NNT: variants seen among roughly 807,000 people sequenced by gnomAD.
NNT encodes NAD(P) transhydrogenase, mitochondrial.
In NNT, 50 loss-of-function variants were observed where a neutral mutation model predicts 104.8. The ratio of observed to expected loss-of-function variants is 0.48; its 90% CI spans 0.38 to 0.60. The LOEUF (loss-of-function observed/expected upper bound fraction) is 0.60, where lower values mean the gene tolerates loss of function less well. Ranked by LOEUF, NNT falls within the 20% of genes least tolerant of loss-of-function variation. The pLI is 0.00. For synonymous variants in NNT, 461 were observed against 490.4 expected, an observed-to-expected ratio of 0.94 and a Z score of 0.79; for missense variants, 1,131 against 1,330.7, an observed-to-expected ratio of 0.85 and a Z score of 2.33.
intron 19 of NNT, among the ~76,000 whole-genome samples, chr5:43,695,653 G>A (rs1742518993): frequency 6.6e-6 from 1 of 152,142 alleles, no homozygotes; most frequent in Non-Finnish European, 1.5e-5. Flanking sequence ...GGCATCCAAG[G>A]TGTATTAGTC....
At chr5:43,647,850 A>G in intron 10 of NNT, 1 of 455,300 alleles carries the variant, frequency 2.2e-6, no homozygotes. Context: ...ATTGTGCTAA[A>G]TACTTCACAT....
At chr5:43,692,087 G>A (rs1157511909) in intron 19 of NNT, among the ~76,000 whole-genome samples, 2 of 152,192 alleles carry the variant, frequency 1.3e-5, no homozygotes, top group African/African-American at 4.8e-5. Flanking sequence ...ATAATTAAAT[G>A]CCCATTCAGC....
intron 7 of NNT, among the ~76,000 whole-genome samples, chr5:43,641,136 A>G (rs1561282647): frequency 6.6e-6 from 1 of 152,080 alleles, no homozygotes; most frequent in Non-Finnish European, 1.5e-5. Context: ...GTAATGCTGC[A>G]TTTATTATGC....
At chr5:43,652,644 C>T (rs1561292376) in intron 13 of NNT, among the ~76,000 whole-genome samples, 1 of 151,756 alleles carries the variant, frequency 6.6e-6, no homozygotes. Context: ...CTTCTTTAAG[C>T]TTTGATTCTG....
intron 20 of NNT, 68 bp from the exon 21 acceptor site, chr5:43,702,553 T>C: frequency 1.1e-6 from 1 of 939,700 alleles, no homozygotes; most frequent in Non-Finnish European, 1.6e-6. Flanking sequence ...ATCACTATAA[T>C]TTGTCTGAAA....
intron 3 of NNT, 50 bp downstream of exon 3, chr5:43,613,187 A>C: frequency 7.2e-7 from 1 of 1,391,620 alleles, no homozygotes; most frequent in Non-Finnish European, 1.0e-6. Flanking sequence ...ACTTTTTGAA[A>C]TCTTTTCATA....
At chr5:43,610,983 C>A (rs1749470631) in intron 2 of NNT, among the ~76,000 whole-genome samples, 1 of 152,058 alleles carries the variant, frequency 6.6e-6, no homozygotes, top group African/African-American at 2.4e-5. Context: ...AAGTTCATTA[C>A]CATATTGAAA....
At chr5:43,681,494 G>T (rs779327398) in intron 19 of NNT, among the ~76,000 whole-genome samples, 1 of 151,952 alleles carries the variant, frequency 6.6e-6, no homozygotes, top group South Asian at 2.1e-4. Context: ...TGCCTCCCGG[G>T]TTCAAAGCAA....
intron 19 of NNT, among the ~76,000 whole-genome samples, chr5:43,695,687 C>T (rs1415366843): frequency 2.6e-5 from 4 of 152,182 alleles, no homozygotes; most frequent in Non-Finnish European, 5.9e-5. Flanking sequence ...CTGATAAAGA[C>T]TTACGTGAGA....
intron 6 of NNT, among the ~76,000 whole-genome samples, chr5:43,627,083 A>T (rs1041960653): frequency 6.6e-6 from 1 of 152,116 alleles, no homozygotes; most frequent in Non-Finnish European, 1.5e-5. Context: ...TTAGAGTGAG[A>T]TGCTCCTCCG....
chr5:43,628,775 C>A (rs1161921937), intron 7 of NNT, among the ~76,000 whole-genome samples: 1 of 152,014 alleles, frequency 6.6e-6, no homozygotes. Context: ...TTAGTAGAGT[C>A]GGGGTTTTGC....
chr5:43,672,241 A>C (rs1741144627), intron 17 of NNT, among the ~76,000 whole-genome samples: 1 of 152,164 alleles, frequency 6.6e-6, no homozygotes, highest in Non-Finnish European at 1.5e-5. Context: ...TTCCTCCTTT[A>C]GCTTGGAGAA....
At chr5:43,658,211 T>C (rs1437768297) in intron 16 of NNT, among the ~76,000 whole-genome samples, 1 of 152,192 alleles carries the variant, frequency 6.6e-6, no homozygotes, top group Non-Finnish European at 1.5e-5. Context: ...GTGACTATGA[T>C]ATTTAAAGGA....
rs371933365 is a variant in NNT at position 43,667,038 on chromosome 5, C to G, written c.2634+7688C>G. The G allele has an allele frequency of 3.8e-5, 61 of 1,596,916 alleles. No homozygotes were observed. The East Asian group carries it at 6.9e-4, about 18-fold the overall frequency. On this transcript the variant is annotated intron_variant, in intron 17 of 21. Transcript: ENST00000344920. ...CCTTGATAGCCTGGGCACGTGCACT[C>G]ATGGCCTTGGCATTGTTGGCCTGCA...
intron 17 of NNT, among the ~76,000 whole-genome samples, chr5:43,673,978 C>T (rs2112086713): frequency 6.6e-6 from 1 of 151,592 alleles, no homozygotes; most frequent in East Asian, 1.9e-4. Context: ...TGAGATCATT[C>T]CACTGCACTC....
At chr5:43,671,487 A>T (rs183912433) in intron 17 of NNT, among the ~76,000 whole-genome samples, 7 of 152,346 alleles carry the variant, frequency 4.6e-5, no homozygotes, top group African/African-American at 1.7e-4. Context: ...TGGCGGTGAC[A>T]AAATCTCTCA....
At chr5:43,666,340 C>T (rs964932355) in intron 17 of NNT, among the ~76,000 whole-genome samples, 7 of 152,128 alleles carry the variant, frequency 4.6e-5, no homozygotes, top group East Asian at 1.9e-4. Context: ...TCTGCAACCC[C>T]GGCACCTTGG....
Position 43,613,128 on chromosome 5 carries a change from G to A in NNT, c.372G>A (p.Leu124=). The A allele has an allele frequency of 6.2e-7, 1 of 1,611,276 alleles. No homozygotes were observed. The highest frequency in any genetic ancestry group is 8.5e-7 in the Non-Finnish European group (1 of 1,178,196). Residue 124 remains leucine, a synonymous_variant, in exon 3 of 22, where the codon TTG becomes TTA. Transcript: ENST00000344920. ...CAAAGGAAGTGCTGGCTTCTGATTT[G>A]GTGGTCAAAGTAATTATTCCTTTTT... ...QGAKEVLASD[L]VVKVRAPMVN...
intron 19 of NNT, among the ~76,000 whole-genome samples, chr5:43,694,648 T>C (rs1742461247): frequency 6.6e-6 from 1 of 152,134 alleles, no homozygotes; most frequent in Admixed American, 6.5e-5. Flanking sequence ...TTGTGGTGTA[T>C]TAGCTTTTTG....
Sources: gnomAD v4.1 joint callset for allele counts (sites outside exome capture counted in the v4.1 genomes callset) on GRCh38, gnomAD v4.1.1 for gene constraint, MANE v1.5 for transcripts, NCBI Gene and HGNC (gene_info 2026-07-23, HGNC 2026-07-21) for gene names.